The following BTBD7 variants were observed in gnomAD, a reference collection of about 807,000 sequenced individuals.
BTBD7 encodes BTB domain containing 7.
In BTBD7, 38 loss-of-function variants were observed where a neutral mutation model predicts 99.9. That is an observed-to-expected ratio of 0.38 (90% CI 0.29 to 0.50). BTBD7 has a LOEUF of 0.50. Among genes scored for constraint, BTBD7 ranks in the 20% least tolerant of loss-of-function variants. The pLI is 0.93. For synonymous variants in BTBD7, 520 were observed against 511.4 expected (o/e 1.02, Z -0.23); for missense variants, 1,170 against 1,394.6 (o/e 0.84, Z 2.57).
intron 3 of BTBD7, among the ~76,000 whole-genome samples, chr14:93,287,160 C>T (rs1297089817): frequency 6.6e-6 from 1 of 150,484 alleles, no homozygotes; most frequent in Non-Finnish European, 1.5e-5. Flanking sequence ...ACCTGGGAGG[C>T]AGAGGTTGCA....
intron 8 of BTBD7, among the ~76,000 whole-genome samples, chr14:93,248,895 TTACAGTTCAAA>T (rs1490338751): frequency 6.6e-6 from 1 of 152,228 alleles, no homozygotes; most frequent in Non-Finnish European, 1.5e-5. Context: ...ATTATTTAGT[TTACAGTTCAAA>T]TACAATTTTA....
Position 93,238,052 on chromosome 14 carries a change from A to G in BTBD7, c.*4221T>C, listed in dbSNP as rs2052180508. 2.6e-5 allele frequency: 4 copies of G among 152,468 alleles called. No homozygotes were observed. Among genetic ancestry groups the G allele is most frequent in the Admixed American group, 2.6e-4 (4 of 15,282 alleles). The allele number at this position is 152,468 out of a possible 1,614,324, so 9.4% of individuals were successfully genotyped here. ...GAGCAGGACTTGGTACCGCCTGCCCATGTAACCCAGATACAGTTACATGTA... is the reference window on the plus strand; with the variant it reads ...GAGCAGGACTTGGTACCGCCTGCCCGTGTAACCCAGATACAGTTACATGTA... On this transcript the variant is annotated 3_prime_UTR_variant, in exon 11 of 11. Coordinates refer to ENST00000334746, the MANE Select transcript of BTBD7 (RefSeq NM_001002860.4).
intron 3 of BTBD7, chr14:93,288,651 G>C (rs541789594): frequency 1.5e-6 from 2 of 1,346,852 alleles, no homozygotes; most frequent in African/African-American, 2.9e-5. Context: ...GATTGAGGCA[G>C]TAAGCAGCTG....
intron 10 of BTBD7, among the ~76,000 whole-genome samples, chr14:93,243,795 A>G (rs565909457): frequency 1.1e-4 from 17 of 152,364 alleles, no homozygotes; most frequent in African/African-American, 3.4e-4. Context: ...CAATGAACAG[A>G]CAAATAAATT....
chr14:93,258,260 CTAAGT>C (rs1270209808), intron 5 of BTBD7, among the ~76,000 whole-genome samples: 7 of 151,292 alleles, frequency 4.6e-5, no homozygotes, highest in Non-Finnish European at 8.8e-5. Context: ...TTTTGAGAAG[CTAAGT>C]TTTTTTCTGG....
chr14:93,264,973 C>T (rs1462657768), intron 3 of BTBD7, among the ~76,000 whole-genome samples: 5 of 152,104 alleles, frequency 3.3e-5, no homozygotes, highest in Admixed American at 3.3e-4. Flanking sequence ...CCTGTAATCC[C>T]AGCTACTCGG....
intron 3 of BTBD7, among the ~76,000 whole-genome samples, chr14:93,290,024 T>C (rs1363985482): frequency 9.2e-5 from 14 of 151,952 alleles, no homozygotes; most frequent in Admixed American, 9.2e-4. Context: ...GCCCAACTAA[T>C]TTTTGTAGTT....
intron 3 of BTBD7, among the ~76,000 whole-genome samples, chr14:93,291,388 C>T (rs534813054): frequency 6.6e-6 from 1 of 152,228 alleles, no homozygotes; most frequent in South Asian, 2.1e-4. Context: ...CAAACTAAGA[C>T]ACGGTAGAGA....
rs2052218814 is a variant in BTBD7, at chr14:93,240,942, A to G, written c.*1331T>C. 6.6e-6 allele frequency: 1 copy of G among 152,642 alleles called. No homozygotes were observed. The highest frequency in any genetic ancestry group is 1.5e-5 in the Non-Finnish European group (1 of 68,048). 9.5% of individuals were successfully genotyped at this position (152,642 alleles called of 1,614,324 possible). ...TTACACAACACCAAAATTTAGACAT[A>G]TTTTGAAAATCGTTTAAAAGAAAAC... On this transcript the variant is annotated 3_prime_UTR_variant, in exon 11 of 11. Coordinates refer to ENST00000334746, the MANE Select transcript of BTBD7 (RefSeq NM_001002860.4).
intron 3 of BTBD7, among the ~76,000 whole-genome samples, chr14:93,270,854 C>T (rs986754140): frequency 2.6e-5 from 4 of 152,224 alleles, no homozygotes; most frequent in Admixed American, 2.0e-4. Flanking sequence ...AAGTCAACTT[C>T]TTACAATTTC....
intron 3 of BTBD7, among the ~76,000 whole-genome samples, chr14:93,293,299 C>T (rs557132328): frequency 1.3e-5 from 2 of 152,200 alleles, no homozygotes; most frequent in South Asian, 2.1e-4. Context: ...ATGAGTCTAG[C>T]GCTAACTGTG....
chr14:93,254,203 C>CTGGG (rs1241656684), intron 6 of BTBD7, among the ~76,000 whole-genome samples: 4 of 152,150 alleles, frequency 2.6e-5, no homozygotes, highest in African/African-American at 9.7e-5. Context: ...TCCCAAAGTG[C>CTGGG]TGGGATTACA....
chr14:93,321,393 G>C (rs1191977008), intron 1 of BTBD7, among the ~76,000 whole-genome samples: 1 of 152,140 alleles, frequency 6.6e-6, no homozygotes, highest in Non-Finnish European at 1.5e-5. Flanking sequence ...AGGAGTTCAA[G>C]ACCAGCCTGG....
At chr14:93,322,808 T>G (rs1342988407) in intron 1 of BTBD7, among the ~76,000 whole-genome samples, 2 of 152,192 alleles carry the variant, frequency 1.3e-5, no homozygotes, top group Non-Finnish European at 2.9e-5. Flanking sequence ...ATTCCTCTTG[T>G]CTTCATTTTA....
chr14:93,271,698 C>A (rs2052602499), intron 3 of BTBD7, among the ~76,000 whole-genome samples: 1 of 152,144 alleles, frequency 6.6e-6, no homozygotes, highest in African/African-American at 2.4e-5. Flanking sequence ...CCTCACTCAG[C>A]CTGTACCAGA....
At chr14:93,282,985 T>C (rs2052738348) in intron 3 of BTBD7, among the ~76,000 whole-genome samples, 1 of 152,234 alleles carries the variant, frequency 6.6e-6, no homozygotes, top group Admixed American at 6.5e-5. Flanking sequence ...GTCTGCTATT[T>C]TGCCTTCTCC....
intron 1 of BTBD7, among the ~76,000 whole-genome samples, chr14:93,306,440 T>TA (rs10717168): frequency 0.052 from 6,616 of 126,854 alleles, 180 homozygotes; most frequent in African/African-American, 0.063. Flanking sequence ...CATCTCTCTT[T>TA]AAAAAAAAAA....
intron 1 of BTBD7, among the ~76,000 whole-genome samples, chr14:93,329,060 C>T (rs2053367891): frequency 1.3e-5 from 2 of 152,196 alleles, no homozygotes; most frequent in African/African-American, 2.4e-5. Context: ...ACTGTGTGTA[C>T]ATCAAAGGAC....
At chr14:93,321,223 A>G (rs1325310595) in intron 1 of BTBD7, among the ~76,000 whole-genome samples, 1 of 152,220 alleles carries the variant, frequency 6.6e-6, no homozygotes, top group Admixed American at 6.5e-5. Context: ...TCATTTAAAT[A>G]TTTTCTGAGC....
Sources: allele counts gnomAD v4.1 joint callset (sites outside exome capture counted in the v4.1 genomes callset), GRCh38; gene constraint gnomAD v4.1.1; transcripts MANE v1.5; gene names NCBI Gene and HGNC (gene_info 2026-07-23, HGNC 2026-07-21).